Variants in SIPA1L3 observed in about 807,000 individuals in gnomAD.
SIPA1L3 encodes signal induced proliferation associated 1 like 3.
Under a neutral mutation model 150.1 loss-of-function variants are expected in SIPA1L3, and 59 were observed. The observed-to-expected ratio is 0.39, with a 90% confidence interval of 0.32 to 0.49. The LOEUF is 0.49. Among genes scored for constraint, SIPA1L3 ranks in the 20% least tolerant of loss-of-function variants. The pLI is 0.86. For synonymous variants in SIPA1L3, 1,070 were observed against 1,077.6 expected (o/e 0.99, Z 0.14); for missense variants, 2,211 against 2,489.5 (o/e 0.89, Z 2.38).
chr19:38,042,490 T>C (rs1968949635), intron 2 of SIPA1L3, among the ~76,000 whole-genome samples: 1 of 152,224 alleles, frequency 6.6e-6, no homozygotes, highest in South Asian at 2.1e-4. Context: ...CAGTGACTTA[T>C]CACACTTGGA....
At position 38,193,435 on chromosome 19, in the gene SIPA1L3, G is replaced by A. The variant is rs1972847746; in HGVS notation, c.4597-102G>A. ...TGGGGCAGAAATGGATGCTGGGTAG[G>A]TAAGGACTCGCCACCAATGTCCTAG... On this transcript the variant is annotated intron_variant, in intron 17 of 21. Transcript: ENST00000222345. 15 of 1,315,024 alleles carry A rather than the reference G, an allele frequency of 1.1e-5. No homozygotes were observed. The South Asian group carries it at 2.8e-4, about 25-fold the overall frequency. 81.5% of individuals were successfully genotyped at this position (1,315,024 alleles called of 1,614,324 possible). A position where few individuals can be genotyped will look rare whatever the true frequency, so the allele number is the denominator to read the frequency against.
intron 2 of SIPA1L3, among the ~76,000 whole-genome samples, chr19:38,065,591 T>G (rs1969554790): frequency 6.6e-6 from 1 of 151,830 alleles, no homozygotes; most frequent in Non-Finnish European, 1.5e-5. Context: ...TAATTTTTTT[T>G]TTGTATTTTT....
intron 7 of SIPA1L3, 185 bp from the exon 8 acceptor site, chr19:38,110,042 G>T (rs1419157857): frequency 4.9e-6 from 3 of 612,554 alleles, no homozygotes; most frequent in South Asian, 3.9e-5. Context: ...TGAGGCCTTT[G>T]TCCTTTATCC....
chr19:38,114,258 T>TA (rs929836804), intron 8 of SIPA1L3, among the ~76,000 whole-genome samples: 2 of 151,776 alleles, frequency 1.3e-5, no homozygotes, highest in Non-Finnish European at 2.9e-5. Context: ...CCATCTCTAC[T>TA]AAAAAATATA....
intron 1 of SIPA1L3, among the ~76,000 whole-genome samples, chr19:37,925,287 T>C (rs1238506142): frequency 6.6e-6 from 1 of 152,186 alleles, no homozygotes; most frequent in Non-Finnish European, 1.5e-5. Flanking sequence ...AACAGTGTTA[T>C]GCAACACATG....
chr19:38,033,818 G>T (rs576258370), intron 2 of SIPA1L3, among the ~76,000 whole-genome samples: 2 of 152,304 alleles, frequency 1.3e-5, no homozygotes, highest in Admixed American at 6.5e-5. Flanking sequence ...TTTCCTCTGG[G>T]TCAGGGGTTC....
intron 1 of SIPA1L3, among the ~76,000 whole-genome samples, chr19:37,977,935 A>T (rs1461363575): frequency 1.3e-5 from 2 of 152,224 alleles, no homozygotes; most frequent in East Asian, 3.8e-4. Context: ...ACACACAGGG[A>T]AGTGCAAGAG....
chr19:38,014,700 T>C (rs1374060022), intron 1 of SIPA1L3, among the ~76,000 whole-genome samples: 2 of 149,922 alleles, frequency 1.3e-5, no homozygotes, highest in Non-Finnish European at 3.0e-5. Context: ...GACGGAGCCT[T>C]GCTCTGTCGC....
At chr19:38,022,998 C>A (rs1215580009) in intron 1 of SIPA1L3, among the ~76,000 whole-genome samples, 1 of 152,216 alleles carries the variant, frequency 6.6e-6, no homozygotes, top group African/African-American at 2.4e-5. Flanking sequence ...TCCCCTTACT[C>A]CACAACTTCA....
chr19:38,193,711 C>T lies in SIPA1L3; in HGVS notation c.4771C>T (p.Gln1591Ter). 3 of 1,571,108 alleles carry T rather than the reference C, an allele frequency of 1.9e-6. No individual in the cohort carries two copies. The highest frequency in any genetic ancestry group is 1.7e-6 in the Non-Finnish European group (2 of 1,166,692). ...CACGCTGCCTGCACGCCGCCAGCAC[C>T]AGCACCCCCACCCGCCCGTCGGCCC... ...SSTLPARRQH[Q>*]HPHPPVGPGA... The change falls in exon 18 of 22, where the codon CAG becomes TAG. Residue 1591 changes from glutamine (Q) to a stop codon, truncating the protein, a stop_gained. Coordinates refer to ENST00000222345, the MANE Select transcript of SIPA1L3 (RefSeq NM_015073.3). LOFTEE classifies it high-confidence loss of function.
intron 1 of SIPA1L3, among the ~76,000 whole-genome samples, chr19:38,014,497 A>G (rs1968180959): frequency 6.6e-6 from 1 of 151,248 alleles, no homozygotes; most frequent in Admixed American, 6.6e-5. Flanking sequence ...GTCCACCCCA[A>G]GCTCAGCACA....
chr19:38,011,070 C>A (rs929560362), intron 1 of SIPA1L3, among the ~76,000 whole-genome samples: 11 of 152,152 alleles, frequency 7.2e-5, no homozygotes, highest in African/African-American at 2.4e-4. Flanking sequence ...ATTTATTTAG[C>A]AGATACTTTC....
intron 2 of SIPA1L3, among the ~76,000 whole-genome samples, chr19:38,053,560 C>T (rs771170165): frequency 6.9e-6 from 1 of 145,404 alleles, no homozygotes; most frequent in Non-Finnish European, 1.5e-5. Flanking sequence ...GAAGGAGGTA[C>T]TTTTTTTTTT....
chr19:38,062,761 C>T (rs1031749055), intron 2 of SIPA1L3, among the ~76,000 whole-genome samples: 5 of 152,142 alleles, frequency 3.3e-5, no homozygotes, highest in African/African-American at 1.2e-4. Context: ...GTTAGGATTA[C>T]AGGCGTGCAT....
intron 1 of SIPA1L3, among the ~76,000 whole-genome samples, chr19:37,924,997 C>T (rs929341763): frequency 2.0e-5 from 3 of 146,422 alleles, no homozygotes; most frequent in East Asian, 2.0e-4. Context: ...TGCAGTGAGC[C>T]GAGATCACAC....
chr19:38,066,183 T>TA (rs531449117), intron 2 of SIPA1L3, among the ~76,000 whole-genome samples: 1,964 of 150,738 alleles, frequency 0.013, 31 homozygotes, highest in African/African-American at 0.044. Context: ...TGGCAAATTT[T>TA]AAAAAAAAAA....
chr19:38,203,816 G>A (rs1568610561), intron 20 of SIPA1L3: 3 of 332,304 alleles, frequency 9.0e-6, no homozygotes, highest in East Asian at 6.0e-5. Flanking sequence ...CTGGAGGTAC[G>A]AAGAAGGGGT....
intron 9 of SIPA1L3, among the ~76,000 whole-genome samples, chr19:38,129,607 A>G (rs576332300): frequency 3.1e-5 from 4 of 129,658 alleles, no homozygotes; most frequent in African/African-American, 1.1e-4. Context: ...CCTGGGCGAC[A>G]GAGCGAGACT....
chr19:37,990,487 A>G (rs1967476272), intron 1 of SIPA1L3, among the ~76,000 whole-genome samples: 1 of 152,100 alleles, frequency 6.6e-6, no homozygotes, highest in Admixed American at 6.5e-5. Context: ...ACCAGCTTTG[A>G]CTTCAGAGCG....
Sources: allele counts gnomAD v4.1 joint callset (sites outside exome capture counted in the v4.1 genomes callset), GRCh38; gene constraint gnomAD v4.1.1; transcripts MANE v1.5; gene names NCBI Gene and HGNC (gene_info 2026-07-23, HGNC 2026-07-21).